RDH13: variants seen among roughly 807,000 people sequenced by gnomAD.
The protein encoded by RDH13 is retinol dehydrogenase 13 (all-trans and 9-cis).
A neutral mutation model predicts 28.3 loss-of-function variants in RDH13; 35 were observed. The observed-to-expected ratio is 1.24, with a 90% CI of 0.95 to 1.64. RDH13 has a LOEUF of 1.64. RDH13 is among the 40% of genes most tolerant of loss of function. The pLI, the probability that RDH13 is intolerant of heterozygous loss-of-function variation, is 0.00. For synonymous variants in RDH13, 229 were observed against 198.5 expected, an observed-to-expected ratio of 1.15 and a Z score of -1.29; for missense variants, 514 against 446.3, an observed-to-expected ratio of 1.15 and a Z score of -1.37.
intron 3 of RDH13, among the ~76,000 whole-genome samples, chr19:55,055,317 T>C (rs2075595835): frequency 1.3e-5 from 2 of 151,928 alleles, no homozygotes; most frequent in Admixed American, 1.3e-4. Context: ...CACGCCTGGC[T>C]AATTTTTGTA....
At chr19:55,057,615 T>G (rs2075680211) in intron 2 of RDH13, among the ~76,000 whole-genome samples, 2 of 151,782 alleles carry the variant, frequency 1.3e-5, no homozygotes, top group Non-Finnish European at 2.9e-5. Context: ...TTTTTTATTT[T>G]TAGTAGAGAC....
At chr19:55,055,370 C>G (rs1049790638) in intron 3 of RDH13, among the ~76,000 whole-genome samples, 3 of 151,654 alleles carry the variant, frequency 2.0e-5, no homozygotes, top group African/African-American at 7.3e-5. Flanking sequence ...CCAGGCTGGT[C>G]TCGAACTCCT....
At chr19:55,065,863 G>C (rs200908830), upstream of RDH13, among the ~76,000 whole-genome samples, 1 of 152,076 alleles carries the variant, frequency 6.6e-6, no homozygotes, top group African/African-American at 2.4e-5. Flanking sequence ...GATTACAGGC[G>C]CTCGCCGCCA....
chr19:55,045,405 CCA>C, intron 6 of RDH13, 96 bp from the exon 7 acceptor site: 2 of 893,512 alleles, frequency 2.2e-6, no homozygotes, highest in Non-Finnish European at 3.4e-6. Context: ...CCCTGGAGTC[CCA>C]CAGAGCCCTC....
intron 1 of RDH13, among the ~76,000 whole-genome samples, chr19:55,060,159 AGCCTCTTGCAGTTGAGAGAGAGGAAG>A (rs2075765729): frequency 7.2e-6 from 1 of 139,726 alleles, no homozygotes; most frequent in Non-Finnish European, 1.6e-5. Flanking sequence ...AAAAGAGGAA[AGCCTCTTGCAGTTGAGAGAGAGGAAG>A]GCCACTGTCT....
At chr19:55,058,305 T>C (rs987284409) in intron 2 of RDH13, among the ~76,000 whole-genome samples, 1 of 151,704 alleles carries the variant, frequency 6.6e-6, no homozygotes, top group African/African-American at 2.4e-5. Flanking sequence ...GGAGAATTGC[T>C]TGAACCCGGG....
At chr19:55,053,833 C>A (rs886360197) in intron 3 of RDH13, 1 of 152,214 alleles carries the variant, frequency 6.6e-6, no homozygotes, top group Admixed American at 6.5e-5. Context: ...AAGCCAGAGA[C>A]AGGATCAGAG....
At position 55,062,982 on chromosome 19, in the gene RDH13, G is replaced by A. The variant is rs756906023; in HGVS notation, c.51C>T (p.Ala17=). 1.1e-5 allele frequency: 16 copies of A among 1,477,992 alleles called. No homozygotes were observed. The South Asian group carries it at 1.9e-4, about 17-fold the overall frequency. The allele number at this position is 1,477,992 out of a possible 1,614,324, so 91.6% of individuals were successfully genotyped here. A position where few individuals can be genotyped will look rare whatever the true frequency, so the allele number is the denominator to read the frequency against. ...PLSALGTVAG[A]AVLLKDYVTG... ...AATGTACTCACTTGAGCAGCACGGC[G>A]GCGCCTGCTACCGTGCCCAGCGCCG... Residue 17 remains alanine, a synonymous_variant, in exon 1 of 7, where the codon GCC becomes GCT. Transcript: ENST00000415061.
intron 5 of RDH13, chr19:55,048,074 G>A (rs1014589958): frequency 2.0e-6 from 3 of 1,490,636 alleles, no homozygotes; most frequent in African/African-American, 1.4e-5. Flanking sequence ...TGAGCTGCCT[G>A]CCCAACAGCA....
At position 55,044,723 on chromosome 19, in the gene RDH13, G is replaced by C. The variant is rs1024358235; in HGVS notation, c.*351C>G. Reference sequence around the variant, plus strand: ...AGACAACTTGCCCATGCTCTTCACGGAGCACCTTGGAACCCTCCCCGACAG... The same window carrying C: ...AGACAACTTGCCCATGCTCTTCACGCAGCACCTTGGAACCCTCCCCGACAG... On this transcript the variant is annotated 3_prime_UTR_variant, in exon 7 of 7. Coordinates refer to ENST00000415061, the MANE Select transcript of RDH13 (RefSeq NM_001145971.2). 4.3e-5 allele frequency: 13 copies of C among 300,878 alleles called. No individual in the cohort carries two copies. Among genetic ancestry groups the C allele is most frequent in the African/African-American group, 2.8e-4 (13 of 46,598 alleles). The allele number at this position is 300,878 out of a possible 1,614,324, so 18.6% of individuals were successfully genotyped here.
chr19:55,045,128 G>C lies in RDH13; in HGVS notation c.942C>G (p.Ala314=). Residue 314 remains alanine, a synonymous_variant, in exon 7 of 7, where the codon GCC becomes GCG. Coordinates refer to ENST00000415061, the MANE Select transcript of RDH13 (RefSeq NM_001145971.2). ...EVARRLWAES[A]RLVGLEAPSV... Reference sequence around the variant, plus strand: ...AGGGAGCCTCTAAGCCCACCAGGCGGGCACTTTCAGCCCAAAGCCTCCGGG... The same window carrying C: ...AGGGAGCCTCTAAGCCCACCAGGCGCGCACTTTCAGCCCAAAGCCTCCGGG... The C allele has an allele frequency of 6.2e-7, 1 of 1,613,504 alleles. No individual in the cohort carries two copies. The highest frequency in any genetic ancestry group is 8.5e-7 in the Non-Finnish European group (1 of 1,179,966).
Position 55,063,073 on chromosome 19 carries a change from G to T in RDH13, c.-41C>A. ...GGCGTCAGGCGTCAGGGGTCGGCGC[G>T]GAGCTTGCTGCACACCAGCCGCCTG... On this transcript the variant is annotated 5_prime_UTR_variant, in exon 1 of 7. Transcript: ENST00000415061. 7.8e-6 allele frequency: 9 copies of T among 1,160,766 alleles called. No individual in the cohort carries two copies. The highest frequency in any genetic ancestry group is 9.8e-6 in the Non-Finnish European group (9 of 914,032). 71.9% of individuals were successfully genotyped at this position (1,160,766 alleles called of 1,614,324 possible).
chr19:55,051,990 C>CCAAAGTG (rs2075455905), intron 3 of RDH13, among the ~76,000 whole-genome samples: 1 of 151,880 alleles, frequency 6.6e-6, no homozygotes, highest in Non-Finnish European at 1.5e-5. Flanking sequence ...CCTCGGCCTC[C>CCAAAGTG]CAAAGTGCTG....
At position 55,056,658 on chromosome 19, in the gene RDH13, A is replaced by T. The variant is rs761453025; in HGVS notation, c.335T>A (p.Ile112Asn). 1 of 1,613,744 alleles carries T rather than the reference A, an allele frequency of 6.2e-7. No homozygotes were observed. The highest frequency in any genetic ancestry group is 2.2e-5 in the East Asian group (1 of 44,888). Residue 112 changes from isoleucine (I) to asparagine (N), a missense_variant, in exon 3 of 7, where the codon ATT becomes AAT. Transcript: ENST00000415061. ...CATGGCCAGCGTTCTCCTACCTTCA[A>T]TGATCTTTGCTGCAAACTCTCGGAT... ...KSIREFAAKI[I>N]EEEERVDILI... is the part of the protein sequence containing the mutation.
At chr19:55,064,646 C>T (rs145522879), upstream of RDH13, among the ~76,000 whole-genome samples, 23 of 151,340 alleles carry the variant, frequency 1.5e-4, no homozygotes, top group Admixed American at 7.3e-4. Context: ...GACAGTCTCA[C>T]TGTGTCACCC....
chr19:55,052,949 TG>T (rs1555822474), intron 3 of RDH13, among the ~76,000 whole-genome samples: 1 of 99,154 alleles, frequency 1.0e-5, no homozygotes, highest in Middle Eastern at 5.6e-3. Context: ...GGCGTGAGCC[TG>T]CACGCCTGCC....
At chr19:55,052,063 C>CTTTTTTTTTTTTTTTT (rs111427426) in intron 3 of RDH13, among the ~76,000 whole-genome samples, 2 of 120,734 alleles carry the variant, frequency 1.7e-5, no homozygotes, top group African/African-American at 6.8e-5. Context: ...ACTGCCTCAA[C>CTTTTTTTTTTTTTTTT]TTTTTTTTTT....
In RDH13 at chr19:55,047,478, C is replaced by A; in HGVS notation, c.669G>T (p.Val223=). The change falls in exon 6 of 7, where the codon GTG becomes GTT. Residue 223 remains valine, a synonymous_variant. Coordinates refer to ENST00000415061, the MANE Select transcript of RDH13 (RefSeq NM_001145971.2). ...CGCCGGGGTGCAGGGCGTTGACAGT[C>A]ACACCAGAGCCTGGGGAAGAAAGAA... ...ELSRRLQGSG[V]TVNALHPGVA... 1 of 1,607,066 alleles carries A rather than the reference C, an allele frequency of 6.2e-7. No individual in the cohort carries two copies. The highest frequency in any genetic ancestry group is 8.5e-7 in the Non-Finnish European group (1 of 1,179,682).
chr19:55,047,029 G>A, intron 6 of RDH13: 1 of 775,010 alleles, frequency 1.3e-6, no homozygotes. Context: ...GCACTCTGCA[G>A]ATGAAGAAAC....
Sources: allele counts gnomAD v4.1 joint callset (sites outside exome capture counted in the v4.1 genomes callset), GRCh38; gene constraint gnomAD v4.1.1; transcripts MANE v1.5; gene names NCBI Gene and HGNC (gene_info 2026-07-23, HGNC 2026-07-21).